The following RFX3 variants were observed in gnomAD, a reference collection of about 807,000 sequenced individuals.
RFX3 encodes the protein transcription factor RFX3.
RFX3 carries 14 observed loss-of-function variants against 98.6 expected under a neutral mutation model. The ratio of observed to expected loss-of-function variants is 0.14; its 90% CI spans 0.09 to 0.22. RFX3 has a LOEUF of 0.22. Ranked by LOEUF, RFX3 falls within the 10% of genes least tolerant of loss-of-function variation. The pLI, the probability that RFX3 is intolerant of heterozygous loss-of-function variation, is 1.00. For synonymous variants in RFX3, 383 were observed against 328.4 expected, an observed-to-expected ratio of 1.17 and a Z score of -1.80; for missense variants, 639 against 926.9, an observed-to-expected ratio of 0.69 and a Z score of 4.03.
intron 14 of RFX3, among the ~76,000 whole-genome samples, chr9:3,253,620 C>T (rs775994817): frequency 5.9e-5 from 9 of 152,246 alleles, no homozygotes; most frequent in Non-Finnish European, 1.3e-4. Flanking sequence ...AGAGAGCCCC[C>T]ATTCAGAGCA....
chr9:3,450,488 C>T (rs139403020), intron 1 of RFX3, among the ~76,000 whole-genome samples: 227 of 152,184 alleles, frequency 1.5e-3, no homozygotes, highest in African/African-American at 5.1e-3. Context: ...AAAGAAAGTA[C>T]TATTCTTTCT....
chr9:3,479,946 T>C (rs1056251822), intron 1 of RFX3, among the ~76,000 whole-genome samples: 40 of 152,342 alleles, frequency 2.6e-4, no homozygotes, highest in Admixed American at 1.0e-3. Flanking sequence ...TGTTCATTAC[T>C]ATTTCTCTTT....
At chr9:3,272,036 T>C (rs2131355274) in intron 9 of RFX3, among the ~76,000 whole-genome samples, 1 of 152,304 alleles carries the variant, frequency 6.6e-6, no homozygotes, top group South Asian at 2.1e-4. Flanking sequence ...TCTAAGACTT[T>C]TTTTTATGGT....
intron 1 of RFX3, among the ~76,000 whole-genome samples, chr9:3,465,303 T>G (rs1848104191): frequency 6.6e-6 from 1 of 152,038 alleles, no homozygotes; most frequent in South Asian, 2.1e-4. Flanking sequence ...CTTTTTTTCT[T>G]TTTTTGAAAC....
rs559932572 is a variant in RFX3, at chr9:3,481,692, T to C, written c.-9+44055A>G. ...CCATATCCTATAATATGAAGAGATCTTGAAATTTAAGAAGAGGAAAAGAAA... is the reference window on the plus strand; with the variant it reads ...CCATATCCTATAATATGAAGAGATCCTGAAATTTAAGAAGAGGAAAAGAAA... On this transcript the variant is annotated intron_variant, in intron 1 of 16. Coordinates refer to ENST00000617270, the MANE Select transcript of RFX3 (RefSeq NM_001282116.2). 2.0e-5 allele frequency among the ~76,000 whole-genome samples: 3 copies of C among 152,044 alleles called. No homozygotes were observed. The South Asian group carries it at 6.2e-4, about 32-fold the overall frequency.
chr9:3,253,645 C>A (rs549729445), intron 14 of RFX3, among the ~76,000 whole-genome samples: 2 of 152,202 alleles, frequency 1.3e-5, no homozygotes, highest in South Asian at 4.2e-4. Flanking sequence ...CTCTTTGTAG[C>A]GCTGTATCAA....
intron 11 of RFX3, among the ~76,000 whole-genome samples, chr9:3,269,658 T>C (rs1824115983): frequency 6.6e-6 from 1 of 152,166 alleles, no homozygotes; most frequent in Non-Finnish European, 1.5e-5. Flanking sequence ...CACCATCACT[T>C]AAAAAGGTAA....
chr9:3,346,736 A>G lies in RFX3; in HGVS notation c.146T>C (p.Val49Ala). 1.2e-6 allele frequency: 2 copies of G among 1,613,546 alleles called. No individual in the cohort carries two copies. Among genetic ancestry groups the G allele is most frequent in the South Asian group, 2.2e-5 (2 of 91,068 alleles). Residue 49 changes from valine (V) to alanine (A), a missense_variant, in exon 3 of 17, where the codon GTA becomes GCA. Physicochemically the swap from Val to Ala is moderately conservative, Grantham distance 64. Transcript: ENST00000617270. Reference sequence around the variant, plus strand: ...CACCTGAGCGGGATAGACATGTTGTACCTGCTGCACAGTCTGTACCTGCTG... The same window carrying G: ...CACCTGAGCGGGATAGACATGTTGTGCCTGCTGCACAGTCTGTACCTGCTG... ...QVQQVQTVQQVQHVYPAQVQY... is the reference protein window; with the variant it reads ...QVQQVQTVQQAQHVYPAQVQY...
Position 3,259,144 on chromosome 9 carries a change from T to C in RFX3, c.1606-1945A>G, listed in dbSNP as rs565139776. On this transcript the variant is annotated intron_variant, in intron 13 of 16. Transcript: ENST00000617270. ...AACATTTTAGTATTACAAATAAAGC[T>C]GAAATTAGCAGGAGAGGTTTTTTTT... Among the ~76,000 whole-genome samples the C allele has an allele frequency of 3.3e-5, 5 of 152,102 alleles. No homozygotes were observed. The East Asian group carries it at 9.7e-4, about 29-fold the overall frequency.
intron 4 of RFX3, among the ~76,000 whole-genome samples, chr9:3,305,458 G>A (rs551842810): frequency 2.0e-5 from 3 of 152,052 alleles, no homozygotes; most frequent in Admixed American, 2.0e-4. Flanking sequence ...TTGAATAGAA[G>A]CTCTGGGACA....
intron 1 of RFX3, among the ~76,000 whole-genome samples, chr9:3,482,321 G>C (rs1453570254): frequency 1.3e-5 from 2 of 151,748 alleles, no homozygotes; most frequent in East Asian, 3.9e-4. Flanking sequence ...GCACACCCAA[G>C]AGTGCCAGAG....
chr9:3,298,958 A>C (rs1828324206), intron 5 of RFX3, among the ~76,000 whole-genome samples: 1 of 151,732 alleles, frequency 6.6e-6, no homozygotes, highest in Non-Finnish European at 1.5e-5. Flanking sequence ...ATTATTATCA[A>C]TAATTTCTCC....
intron 2 of RFX3, among the ~76,000 whole-genome samples, chr9:3,378,331 G>A (rs1838775273): frequency 6.6e-6 from 1 of 152,098 alleles, no homozygotes; most frequent in South Asian, 2.1e-4. Context: ...TAAGCCACTT[G>A]TCAATATTAT....
chr9:3,510,617 A>ACAAGTACAAG (rs1243221713), intron 1 of RFX3, among the ~76,000 whole-genome samples: 1 of 152,216 alleles, frequency 6.6e-6, no homozygotes, highest in East Asian at 1.9e-4. Context: ...AAATAAAATT[A>ACAAGTACAAG]TACTTTGATT....
intron 13 of RFX3, among the ~76,000 whole-genome samples, chr9:3,261,739 G>C (rs1563819734): frequency 6.6e-6 from 1 of 152,052 alleles, no homozygotes; most frequent in Admixed American, 6.6e-5. Context: ...TTCCAAAGTG[G>C]CTACAGCATT....
chr9:3,493,698 AAAATATATATAT>A (rs1850907474), intron 1 of RFX3, among the ~76,000 whole-genome samples: 1 of 111,250 alleles, frequency 9.0e-6, no homozygotes, highest in Non-Finnish European at 1.7e-5. Context: ...AAAAAAAAAA[AAAATATATATAT>A]ATATATATAT....
intron 2 of RFX3, among the ~76,000 whole-genome samples, chr9:3,349,197 G>C (rs1834796340): frequency 6.6e-6 from 1 of 151,504 alleles, no homozygotes; most frequent in Admixed American, 6.6e-5. Context: ...TACAAATTTT[G>C]GTTACTGGAG....
chr9:3,344,746 G>A (rs976351825), intron 3 of RFX3: 2 of 655,594 alleles, frequency 3.1e-6, no homozygotes, highest in East Asian at 2.8e-5. Context: ...CTCTAGCAGT[G>A]TCTACAAAGC....
chr9:3,427,180 G>T (rs774957010), intron 1 of RFX3, among the ~76,000 whole-genome samples: 1 of 145,638 alleles, frequency 6.9e-6, no homozygotes, highest in African/African-American at 2.5e-5. Flanking sequence ...TCTTTTGCAC[G>T]TGCAGTAACT....
Sources: allele counts gnomAD v4.1 joint callset (sites outside exome capture counted in the v4.1 genomes callset), GRCh38; gene constraint gnomAD v4.1.1; transcripts MANE v1.5; gene names NCBI Gene and HGNC (gene_info 2026-07-23, HGNC 2026-07-21).